Variants in PRKN observed in about 807,000 individuals in gnomAD.
PRKN encodes parkin RBR E3 ubiquitin protein ligase.
PRKN carries 56 observed loss-of-function variants against 59.5 expected under a neutral mutation model. The ratio of observed to expected loss-of-function variants is 0.94; its 90% CI spans 0.76 to 1.18. PRKN has a LOEUF of 1.18. PRKN is among the 50% of genes most tolerant of loss of function. The pLI, the probability that PRKN is intolerant of heterozygous loss-of-function variation, is 0.00. For synonymous variants in PRKN, 250 were observed against 222.1 expected, an observed-to-expected ratio of 1.13 and a Z score of -1.12; for missense variants, 657 against 596.4, an observed-to-expected ratio of 1.10 and a Z score of -1.06.
intron 9 of PRKN, among the ~76,000 whole-genome samples, chr6:161,472,947 A>G (rs1790865078): frequency 2.0e-5 from 3 of 152,236 alleles, no homozygotes; most frequent in Non-Finnish European, 4.4e-5. Flanking sequence ...GAAAACCATG[A>G]GATAGCAACT....
At chr6:161,891,558 A>G (rs1191261948) in intron 6 of PRKN, among the ~76,000 whole-genome samples, 2 of 152,156 alleles carry the variant, frequency 1.3e-5, no homozygotes, top group East Asian at 3.9e-4. Context: ...AACTACAGCA[A>G]GTTTGTTTTT....
At chr6:161,944,868 A>G (rs947036097) in intron 6 of PRKN, among the ~76,000 whole-genome samples, 2 of 152,206 alleles carry the variant, frequency 1.3e-5, no homozygotes, top group Admixed American at 1.3e-4. Flanking sequence ...ACAGTGGCCT[A>G]CTTAATGCTA....
In PRKN at chr6:161,468,662, C is replaced by T. The variant is rs1307858968; in HGVS notation, c.1083+80192G>A. Among the ~76,000 whole-genome samples the T allele has an allele frequency of 6.6e-6, 1 of 152,202 alleles. No homozygotes were observed. Among genetic ancestry groups the T allele is most frequent in the Non-Finnish European group, 1.5e-5 (1 of 68,040 alleles). ...CACAGTCTAAGTTACCATCTCCTGTCCTTGCATCCATGGCCGGGGAATTAC... is the reference window on the plus strand; with the variant it reads ...CACAGTCTAAGTTACCATCTCCTGTTCTTGCATCCATGGCCGGGGAATTAC... On this transcript the variant is annotated intron_variant, in intron 9 of 11. Coordinates refer to ENST00000366898, the MANE Select transcript of PRKN (RefSeq NM_004562.3). This position sits in a 1 kb window ranked among gnomAD's most constrained non-coding sequence, Gnocchi z 5.9.
At chr6:161,891,984 T>C (rs200227303) in intron 6 of PRKN, among the ~76,000 whole-genome samples, 1 of 152,032 alleles carries the variant, frequency 6.6e-6, no homozygotes, top group Non-Finnish European at 1.5e-5. Context: ...TTTACGAAAT[T>C]CCCAATACAT....
rs2115149256 is a variant in PRKN at position 161,457,352 on chromosome 6, C to G, written c.1084-70475G>C. Among the ~76,000 whole-genome samples, 1 of 152,270 alleles carries G rather than the reference C, an allele frequency of 6.6e-6. No homozygotes were observed. Among genetic ancestry groups the G allele is most frequent in the African/African-American group, 2.4e-5 (1 of 41,556 alleles). On this transcript the variant is annotated intron_variant, in intron 9 of 11. Transcript: ENST00000366898. This position sits in a 1 kb window ranked among gnomAD's most constrained non-coding sequence, Gnocchi z 5.0. ...ATATTGACACTAACTCTGAATGCAT[C>G]CCTACTGAATAGAGAACTCTAGTAA...
rs543504259 is a variant in PRKN, at chr6:162,295,830, T to A, written c.172-33065A>T. Among the ~76,000 whole-genome samples the A allele has an allele frequency of 3.3e-5, 5 of 152,252 alleles. No homozygotes were observed. The South Asian group carries it at 1.0e-3, about 32-fold the overall frequency. On this transcript the variant is annotated intron_variant, in intron 2 of 11. Coordinates refer to ENST00000366898, the MANE Select transcript of PRKN (RefSeq NM_004562.3). Reference sequence around the variant, plus strand: ...GTGGCTGCCACTGCAGTTGTCAGAATCTGAAATTCAGGAGATGCCCCTTGA... The same window carrying A: ...GTGGCTGCCACTGCAGTTGTCAGAAACTGAAATTCAGGAGATGCCCCTTGA...
At chr6:162,411,515 A>G (rs536306263) in intron 2 of PRKN, among the ~76,000 whole-genome samples, 1 of 152,222 alleles carries the variant, frequency 6.6e-6, no homozygotes, top group Non-Finnish European at 1.5e-5. Context: ...CAACTGTGCA[A>G]TGTGTGTGAT....
chr6:162,570,156 AC>A (rs1438408684), intron 1 of PRKN, among the ~76,000 whole-genome samples: 1 of 152,242 alleles, frequency 6.6e-6, no homozygotes, highest in Non-Finnish European at 1.5e-5. Context: ...ATTTGAACAG[AC>A]ATTTCTCAAA....
At chr6:162,017,320 T>C (rs1233992606) in intron 5 of PRKN, among the ~76,000 whole-genome samples, 1 of 152,150 alleles carries the variant, frequency 6.6e-6, no homozygotes, top group Non-Finnish European at 1.5e-5. Context: ...CTAGTTTACA[T>C]GCATGTACAT....
chr6:161,677,543 A>G (rs1785132546), intron 7 of PRKN, among the ~76,000 whole-genome samples: 1 of 152,166 alleles, frequency 6.6e-6, no homozygotes, highest in Non-Finnish European at 1.5e-5. Context: ...TGACCTCCCA[A>G]TGAGGTAGAC....
intron 1 of PRKN, among the ~76,000 whole-genome samples, chr6:162,697,811 A>G (rs1778021776): frequency 6.6e-6 from 1 of 152,248 alleles, no homozygotes; most frequent in African/African-American, 2.4e-5. Context: ...ATTTATTAAA[A>G]GTAAATATAC....
At chr6:162,249,597 T>A (rs534609147) in intron 3 of PRKN, among the ~76,000 whole-genome samples, 1 of 152,244 alleles carries the variant, frequency 6.6e-6, no homozygotes, top group African/African-American at 2.4e-5. Context: ...TTGGAATTGT[T>A]TCCCGAGCTT....
intron 6 of PRKN, among the ~76,000 whole-genome samples, chr6:161,928,632 G>T (rs1779055430): frequency 6.6e-6 from 1 of 152,162 alleles, no homozygotes; most frequent in African/African-American, 2.4e-5. Context: ...GATACTATTT[G>T]CCAGACGCCA....
chr6:162,112,062 C>T (rs1780462211), intron 4 of PRKN, among the ~76,000 whole-genome samples: 1 of 152,218 alleles, frequency 6.6e-6, no homozygotes, highest in South Asian at 2.1e-4. Context: ...AATTGTTTAT[C>T]TCCATTCAAC....
intron 6 of PRKN, among the ~76,000 whole-genome samples, chr6:161,967,745 G>A (rs558353959): frequency 7.2e-5 from 11 of 152,246 alleles, no homozygotes; most frequent in African/African-American, 2.6e-4. Context: ...TACCTTTGTG[G>A]CTGCTTTTTC....
chr6:161,907,283 A>G (rs1248740249), intron 6 of PRKN, among the ~76,000 whole-genome samples: 1 of 152,174 alleles, frequency 6.6e-6, no homozygotes, highest in East Asian at 1.9e-4. Context: ...TTCTTTGAAT[A>G]AAAATAAGGC....
chr6:162,363,676 A>G (rs1785271400), intron 2 of PRKN, among the ~76,000 whole-genome samples: 2 of 152,174 alleles, frequency 1.3e-5, no homozygotes, highest in Non-Finnish European at 2.9e-5. Flanking sequence ...TTTGAAATGC[A>G]TATGTAATAT....
intron 3 of PRKN, among the ~76,000 whole-genome samples, chr6:162,201,834 T>C (rs550530179): frequency 6.6e-6 from 1 of 152,238 alleles, no homozygotes; most frequent in African/African-American, 2.4e-5. Flanking sequence ...AATGGATGGT[T>C]TGCATTTCAT....
chr6:162,289,871 G>A lies in PRKN; in HGVS notation c.172-27106C>T, dbSNP rs556582663. Among the ~76,000 whole-genome samples the A allele has an allele frequency of 1.2e-3, 184 of 152,228 alleles. 1 individual carries two copies. Among genetic ancestry groups the A allele is most frequent in the African/African-American group, 4.0e-3 (168 of 41,538 alleles). On this transcript the variant is annotated intron_variant, in intron 2 of 11. Coordinates refer to ENST00000366898, the MANE Select transcript of PRKN (RefSeq NM_004562.3). Reference sequence around the variant, plus strand: ...ATAGCCGTGGGATCATCAAGGGCAGGAGAAAGGGAAAGGAAGAACCTTGAA... The same window carrying A: ...ATAGCCGTGGGATCATCAAGGGCAGAAGAAAGGGAAAGGAAGAACCTTGAA...
Sources: gnomAD v4.1 joint callset for allele counts (sites outside exome capture counted in the v4.1 genomes callset) on GRCh38, gnomAD v4.1.1 for gene constraint, Gnocchi (gnomAD v3.1) non-coding constraint, MANE v1.5 for transcripts, NCBI Gene and HGNC (gene_info 2026-07-23, HGNC 2026-07-21) for gene names.